The following SEMA3A variants were observed in gnomAD, a reference collection of about 807,000 sequenced individuals.
SEMA3A encodes semaphorin-3A.
A neutral mutation model predicts 97.9 loss-of-function variants in SEMA3A; 29 were observed. That is an observed-to-expected ratio of 0.30 (90% CI 0.22 to 0.40). SEMA3A has a LOEUF of 0.40. SEMA3A is among the 10% of genes least tolerant of loss of function. SEMA3A has a pLI of 1.00. For missense variants in SEMA3A, 763 were observed against 951.3 expected (o/e 0.80, Z 2.60); for synonymous variants, 321 against 323.7 (o/e 0.99, Z 0.09).
chr7:84,407,132 G>A (rs1804115764), intron 1 of SEMA3A, among the ~76,000 whole-genome samples: 1 of 152,200 alleles, frequency 6.6e-6, no homozygotes, highest in African/African-American at 2.4e-5. Context: ...CAGATGACAT[G>A]ATTGTATATC....
intron 4 of SEMA3A, among the ~76,000 whole-genome samples, chr7:84,074,600 C>A (rs1462581611): frequency 1.3e-5 from 2 of 151,784 alleles, no homozygotes; most frequent in Non-Finnish European, 2.9e-5. Flanking sequence ...GAAAGAAGAA[C>A]CTCGGTGAAA....
chr7:84,045,331 T>C (rs1044675596), intron 6 of SEMA3A, among the ~76,000 whole-genome samples: 11 of 151,936 alleles, frequency 7.2e-5, no homozygotes, highest in African/African-American at 2.7e-4. Flanking sequence ...TCATGCTTCA[T>C]TCTTATGAAC....
chr7:84,067,745 A>C (rs1379907024), intron 4 of SEMA3A, among the ~76,000 whole-genome samples: 1 of 151,600 alleles, frequency 6.6e-6, no homozygotes, highest in Non-Finnish European at 1.5e-5. Flanking sequence ...ACCAGTTAGA[A>C]TGGCAATCAT....
At chr7:84,468,456 G>A (rs1312152616) in intron 1 of SEMA3A, among the ~76,000 whole-genome samples, 3 of 152,064 alleles carry the variant, frequency 2.0e-5, no homozygotes, top group African/African-American at 7.2e-5. Flanking sequence ...ACTTTGTGAG[G>A]TTTTTAGATG....
rs559132011 is a variant in SEMA3A at position 84,275,192 on chromosome 7, G to T, written c.-83+32015C>A. Among the ~76,000 whole-genome samples the T allele has an allele frequency of 6.6e-5, 10 of 152,100 alleles. No homozygotes were observed. The East Asian group carries it at 1.9e-3, about 29-fold the overall frequency. On this transcript the variant is annotated intron_variant, in intron 3 of 3. Coordinates refer to the SEMA3A transcript ENST00000424555. ...TTTTGTGAGAGTTAGTTTAATCAATGCTAGGAAATATAATAATGACATCCA... is the reference window on the plus strand; with the variant it reads ...TTTTGTGAGAGTTAGTTTAATCAATTCTAGGAAATATAATAATGACATCCA...
chr7:84,311,984 C>T (rs9987045), intron 2 of SEMA3A, among the ~76,000 whole-genome samples: 3,912 of 151,818 alleles, frequency 0.026, 169 homozygotes, highest in African/African-American at 0.089. Context: ...TATGGGGTGA[C>T]GCCACCAAAA....
chr7:83,978,151 A>G (rs1362345030), intron 14 of SEMA3A, among the ~76,000 whole-genome samples: 1 of 152,104 alleles, frequency 6.6e-6, no homozygotes, highest in Non-Finnish European at 1.5e-5. Flanking sequence ...TCATATGGCT[A>G]TGATTGCAAA....
chr7:84,314,891 G>A (rs887099576), intron 2 of SEMA3A, among the ~76,000 whole-genome samples: 6 of 152,002 alleles, frequency 3.9e-5, no homozygotes, highest in African/African-American at 1.4e-4. Context: ...AAATATAAAT[G>A]GGAGGAAAAC....
At chr7:84,176,296 G>T (rs1211387592) in intron 1 of SEMA3A, among the ~76,000 whole-genome samples, 1 of 152,054 alleles carries the variant, frequency 6.6e-6, no homozygotes, top group Admixed American at 6.6e-5. Context: ...TTGAAGAAAA[G>T]GACCAGCAAG....
chr7:83,999,599 T>G (rs2116379772), intron 12 of SEMA3A, among the ~76,000 whole-genome samples: 1 of 152,222 alleles, frequency 6.6e-6, no homozygotes, highest in African/African-American at 2.4e-5. Context: ...ATAGTGTTCA[T>G]CTCTGTATCA....
At chr7:84,224,835 A>G (rs1458383172) in intron 3 of SEMA3A, among the ~76,000 whole-genome samples, 1 of 152,038 alleles carries the variant, frequency 6.6e-6, no homozygotes, top group South Asian at 2.1e-4. Context: ...TCTACATAGA[A>G]GTTAACTGAT....
chr7:84,104,855 G>T (rs1859492), intron 4 of SEMA3A, among the ~76,000 whole-genome samples: 141,758 of 152,220 alleles, frequency 0.93, 66,128 homozygotes, highest in African/African-American at 0.98. Flanking sequence ...TAAAATTTAA[G>T]TTTGAATATA....
At chr7:84,023,577 C>A (rs1244132566) in intron 6 of SEMA3A, among the ~76,000 whole-genome samples, 1 of 152,152 alleles carries the variant, frequency 6.6e-6, no homozygotes, top group African/African-American at 2.4e-5. Flanking sequence ...ACCACTCAGC[C>A]AATCCTCTTG....
At chr7:83,966,178 T>C (rs1296228306) in intron 15 of SEMA3A, among the ~76,000 whole-genome samples, 2 of 152,080 alleles carry the variant, frequency 1.3e-5, no homozygotes. Context: ...TAAAAATAGT[T>C]CTTTCAATAG....
chr7:84,070,514 T>G (rs2115750441), intron 4 of SEMA3A, among the ~76,000 whole-genome samples: 1 of 152,206 alleles, frequency 6.6e-6, no homozygotes, highest in African/African-American at 2.4e-5. Context: ...GTAAATGATG[T>G]TTGTAAAAGA....
chr7:84,473,395 T>A (rs935201590), intron 1 of SEMA3A, among the ~76,000 whole-genome samples: 33 of 148,656 alleles, frequency 2.2e-4, no homozygotes, highest in Admixed American at 1.9e-3. Context: ...TATTATAATA[T>A]TATTATTATT....
At chr7:84,323,124 A>C (rs2115917372) in intron 2 of SEMA3A, among the ~76,000 whole-genome samples, 1 of 152,362 alleles carries the variant, frequency 6.6e-6, no homozygotes, top group South Asian at 2.1e-4. Context: ...CTATGATTAA[A>C]TGCATAATAA....
intron 2 of SEMA3A, among the ~76,000 whole-genome samples, chr7:84,318,471 C>T (rs960834529): frequency 1.3e-5 from 2 of 151,152 alleles, no homozygotes; most frequent in Admixed American, 6.6e-5. Context: ...TACAGGCGCC[C>T]GCCACTACGC....
chr7:84,104,515 T>C (rs1009721910), intron 4 of SEMA3A, among the ~76,000 whole-genome samples: 1 of 152,148 alleles, frequency 6.6e-6, no homozygotes, highest in African/African-American at 2.4e-5. Context: ...CTCATAACTA[T>C]TGTGTTTATA....
Sources: gnomAD v4.1 joint callset for allele counts (sites outside exome capture counted in the v4.1 genomes callset) on GRCh38, gnomAD v4.1.1 for gene constraint, MANE v1.5 for transcripts, NCBI Gene and HGNC (gene_info 2026-07-23, HGNC 2026-07-21) for gene names.